The following CDH8 variants were observed in gnomAD, a reference collection of about 807,000 sequenced individuals.
CDH8 encodes cadherin-8.
In CDH8, 17 loss-of-function variants were observed where a neutral mutation model predicts 68.1. That is an observed-to-expected ratio of 0.25 (90% CI 0.17 to 0.37). The LOEUF (loss-of-function observed/expected upper bound fraction) is 0.37, where lower values mean the gene tolerates loss of function less well. CDH8 is among the 10% of genes least tolerant of loss of function. The pLI, the probability that CDH8 is intolerant of heterozygous loss-of-function variation, is 1.00. For missense variants in CDH8, 763 were observed against 999.3 expected, an observed-to-expected ratio of 0.76 and a Z score of 3.19; for synonymous variants, 372 against 365.1, an observed-to-expected ratio of 1.02 and a Z score of -0.21.
At chr16:61,883,149 T>C (rs778957863) in intron 3 of CDH8, among the ~76,000 whole-genome samples, 3 of 152,164 alleles carry the variant, frequency 2.0e-5, no homozygotes, top group African/African-American at 7.2e-5. Flanking sequence ...ATTTAGAGTA[T>C]GTATCCTTGA....
intron 10 of CDH8, among the ~76,000 whole-genome samples, chr16:61,709,701 G>A (rs769594648): frequency 6.6e-6 from 1 of 151,394 alleles, no homozygotes; most frequent in Non-Finnish European, 1.5e-5. Context: ...AGAAACCTGA[G>A]TTTCGTTTTG....
At position 61,652,819 on chromosome 16, in the gene CDH8, A is replaced by G; in HGVS notation, c.*789T>C. ...CTAGCAATAAAACCATCTGTCTCTT[A>G]TGTAGTCCACTGTGTGATACAGTTT... On this transcript the variant is annotated 3_prime_UTR_variant, in exon 12 of 12. Transcript: ENST00000577390. 2.0e-6 allele frequency: 3 copies of G among 1,469,476 alleles called. No individual in the cohort carries two copies. The highest frequency in any genetic ancestry group is 1.8e-4 in the Middle Eastern group (1 of 5,672). 91.0% of individuals were successfully genotyped at this position (1,469,476 alleles called of 1,614,324 possible). A position where few individuals can be genotyped will look rare whatever the true frequency, so the allele number is the denominator to read the frequency against.
chr16:61,899,172 C>A (rs1963923348), intron 3 of CDH8, among the ~76,000 whole-genome samples: 1 of 152,194 alleles, frequency 6.6e-6, no homozygotes, highest in African/African-American at 2.4e-5. Context: ...TGTTTCCTTC[C>A]CTGTGTCCAT....
chr16:62,011,915 C>G (rs1252269934), intron 2 of CDH8, among the ~76,000 whole-genome samples: 7 of 152,146 alleles, frequency 4.6e-5, no homozygotes, highest in African/African-American at 1.4e-4. Flanking sequence ...ACTGAGTATT[C>G]CGATTTTTGT....
chr16:62,031,566 T>A (rs540296933), intron 1 of CDH8, among the ~76,000 whole-genome samples: 8 of 152,204 alleles, frequency 5.3e-5, no homozygotes, highest in African/African-American at 1.9e-4. Flanking sequence ...GAAAACTGTT[T>A]GAAGGTTCCA....
At chr16:61,979,109 G>C (rs1395149090) in intron 2 of CDH8, among the ~76,000 whole-genome samples, 1 of 150,798 alleles carries the variant, frequency 6.6e-6, no homozygotes, top group African/African-American at 2.4e-5. Context: ...GCCAGAGCCA[G>C]AAACAACGGG....
intron 10 of CDH8, among the ~76,000 whole-genome samples, chr16:61,695,288 A>AT (rs1337763006): frequency 6.6e-6 from 1 of 152,108 alleles, no homozygotes; most frequent in Non-Finnish European, 1.5e-5. Flanking sequence ...GTCAATTTTG[A>AT]TGTGCAAAGA....
In CDH8 at chr16:61,652,218, G is replaced by A; in HGVS notation, c.*1390C>T. On this transcript the variant is annotated 3_prime_UTR_variant, in exon 12 of 12. Coordinates refer to ENST00000577390, the MANE Select transcript of CDH8 (RefSeq NM_001796.5). Reference sequence around the variant, plus strand: ...AAATATGCTCACATCTTCTAGTGCTGTTCCTTTTTGGAGTCTAAGACATTC... The same window carrying A: ...AAATATGCTCACATCTTCTAGTGCTATTCCTTTTTGGAGTCTAAGACATTC... 1.0e-6 allele frequency: 1 copy of A among 982,378 alleles called. No individual in the cohort carries two copies. Among genetic ancestry groups the A allele is most frequent in the Non-Finnish European group, 1.2e-6 (1 of 827,236 alleles). 60.9% of individuals were successfully genotyped at this position (982,378 alleles called of 1,614,324 possible).
intron 8 of CDH8, among the ~76,000 whole-genome samples, chr16:61,728,896 T>C (rs374781628): frequency 1.9e-4 from 29 of 151,274 alleles, no homozygotes; most frequent in East Asian, 1.8e-3. Flanking sequence ...ACTCAGAAAT[T>C]TAACACTTTT....
In CDH8 at chr16:61,820,950, C is replaced by T; in HGVS notation, c.999G>A (p.Gln333=). The T allele has an allele frequency of 1.9e-6, 3 of 1,612,168 alleles. No homozygotes were observed. The highest frequency in any genetic ancestry group is 2.5e-6 in the Non-Finnish European group (3 of 1,178,792). ...CTTTTCTTAGCCTTATAATGCCATC[C>T]TGGGCCTGGGCATCAGAAGTGATTT... ...LFEITSDAQA[Q]DGIIRLRKPL... Residue 333 remains glutamine (Q), a synonymous_variant, in exon 6 of 12, where the codon CAG becomes CAA. Transcript: ENST00000577390.
At chr16:61,949,111 T>C (rs1322054960) in intron 2 of CDH8, among the ~76,000 whole-genome samples, 1 of 152,184 alleles carries the variant, frequency 6.6e-6, no homozygotes, top group African/African-American at 2.4e-5. Context: ...GTAGTTGATA[T>C]TGAGAATCTC....
intron 8 of CDH8, among the ~76,000 whole-genome samples, chr16:61,727,975 T>C (rs985730198): frequency 4.0e-5 from 6 of 151,088 alleles, no homozygotes; most frequent in African/African-American, 1.5e-4. Context: ...CATTAATACA[T>C]TCCTGACTTG....
intron 2 of CDH8, among the ~76,000 whole-genome samples, chr16:61,979,972 A>G (rs1965503653): frequency 6.6e-6 from 1 of 152,196 alleles, no homozygotes; most frequent in African/African-American, 2.4e-5. Context: ...AATTTCACTC[A>G]GGCTATGTGC....
chr16:61,711,330 C>G (rs982632581), intron 10 of CDH8, among the ~76,000 whole-genome samples: 1 of 151,662 alleles, frequency 6.6e-6, no homozygotes, highest in African/African-American at 2.4e-5. Context: ...AAATCATCTC[C>G]CTTAAAGATC....
chr16:61,900,572 G>T (rs1287527953), intron 3 of CDH8, among the ~76,000 whole-genome samples: 1 of 152,132 alleles, frequency 6.6e-6, no homozygotes, highest in Non-Finnish European at 1.5e-5. Flanking sequence ...AATACAGACT[G>T]CTCTGTAATA....
chr16:62,031,677 A>AACACAC (rs10528241), intron 1 of CDH8, among the ~76,000 whole-genome samples: 68,964 of 149,852 alleles, frequency 0.46, 16,361 homozygotes, highest in African/African-American at 0.6. Flanking sequence ...CACACCCACA[A>AACACAC]ACACACACAC....
intron 3 of CDH8, among the ~76,000 whole-genome samples, chr16:61,862,428 G>A (rs919049184): frequency 1.4e-4 from 21 of 152,084 alleles, no homozygotes; most frequent in Non-Finnish European, 2.8e-4. Flanking sequence ...TACTGGGCTG[G>A]GGACTGCAAC....
chr16:61,932,490 T>C (rs1396246547), intron 2 of CDH8, among the ~76,000 whole-genome samples: 2 of 152,148 alleles, frequency 1.3e-5, no homozygotes, highest in African/African-American at 2.4e-5. Context: ...TTTTAATATA[T>C]ATAGTGTCCT....
intron 8 of CDH8, among the ~76,000 whole-genome samples, chr16:61,728,599 A>C (rs1489788684): frequency 1.3e-5 from 2 of 151,180 alleles, no homozygotes; most frequent in South Asian, 2.1e-4. Context: ...AAGAATCTAA[A>C]TAGACATTTA....
Sources: gnomAD v4.1 joint callset for allele counts (sites outside exome capture counted in the v4.1 genomes callset) on GRCh38, gnomAD v4.1.1 for gene constraint, MANE v1.5 for transcripts, NCBI Gene and HGNC (gene_info 2026-07-23, HGNC 2026-07-21) for gene names.